SCHIP1: variants seen among roughly 807,000 people sequenced by gnomAD.
SCHIP1 encodes schwannomin interacting protein 1.
A neutral mutation model predicts 29.7 loss-of-function variants in SCHIP1; 8 were observed. That is an observed-to-expected ratio of 0.27 (90% CI 0.16 to 0.49). The LOEUF (loss-of-function observed/expected upper bound fraction) is 0.49. Ranked by LOEUF, SCHIP1 falls within the 20% of genes least tolerant of loss-of-function variation. The pLI is 0.99. For synonymous variants in SCHIP1, 76 were observed against 94.9 expected (o/e 0.80, Z 1.16); for missense variants, 193 against 294.6 (o/e 0.66, Z 2.52).
At chr3:159,596,298 A>C in the SCHIP1 span, among the ~76,000 whole-genome samples, 9,464 of 152,232 alleles carry the variant, frequency 0.062, 1,002 homozygotes, top group African/African-American at 0.22. Flanking sequence ...GTCAGAAAAC[A>C]ACAGGTGCTG....
At chr3:159,663,201 C>A in the SCHIP1 span, among the ~76,000 whole-genome samples, 27 of 152,260 alleles carry the variant, frequency 1.8e-4, no homozygotes, top group African/African-American at 5.8e-4. Context: ...GATGGTCTTT[C>A]CTGGTGTGAG....
chr3:159,408,790 A>G, the SCHIP1 span, among the ~76,000 whole-genome samples: 96,410 of 152,042 alleles, frequency 0.63, 31,282 homozygotes, highest in East Asian at 0.75. Flanking sequence ...AATTCAATAA[A>G]GTCAGTATTA....
At chr3:159,749,572 T>C in the SCHIP1 span, among the ~76,000 whole-genome samples, 1 of 152,164 alleles carries the variant, frequency 6.6e-6, no homozygotes, top group East Asian at 1.9e-4. Flanking sequence ...GGGCATTGTG[T>C]GCAACATTCC....
At chr3:159,696,017 C>A in the SCHIP1 span, among the ~76,000 whole-genome samples, 4 of 152,178 alleles carry the variant, frequency 2.6e-5, no homozygotes, top group Non-Finnish European at 1.5e-5. Flanking sequence ...TATCAACACC[C>A]ATCACCAAAC....
At chr3:159,308,147 C>T in the SCHIP1 span, among the ~76,000 whole-genome samples, 1 of 152,032 alleles carries the variant, frequency 6.6e-6, no homozygotes, top group African/African-American at 2.4e-5. Flanking sequence ...AGCATTGAAT[C>T]TGTAAATTGC....
the SCHIP1 span, among the ~76,000 whole-genome samples, chr3:159,293,255 C>G: frequency 6.6e-6 from 1 of 152,136 alleles, no homozygotes; most frequent in Non-Finnish European, 1.5e-5. Context: ...TTCACTATGT[C>G]CTCTAATAGT....
the SCHIP1 span, among the ~76,000 whole-genome samples, chr3:159,509,239 T>A: frequency 6.6e-5 from 10 of 152,336 alleles, no homozygotes; most frequent in African/African-American, 2.2e-4. Flanking sequence ...TCTTTGTCTC[T>A]TTTGATCTTT....
the SCHIP1 span, among the ~76,000 whole-genome samples, chr3:159,390,548 T>C: frequency 6.6e-6 from 1 of 152,260 alleles, no homozygotes; most frequent in Non-Finnish European, 1.5e-5. Flanking sequence ...TGAGGCATTC[T>C]AGTGAACTTA....
At chr3:159,584,385 G>T in the SCHIP1 span, among the ~76,000 whole-genome samples, 9 of 152,066 alleles carry the variant, frequency 5.9e-5, no homozygotes, top group African/African-American at 1.9e-4. Context: ...GCTATTTAAC[G>T]TTATCTTTCA....
chr3:159,756,393 G>C, the SCHIP1 span, among the ~76,000 whole-genome samples: 5 of 152,338 alleles, frequency 3.3e-5, no homozygotes, highest in East Asian at 9.6e-4. Context: ...GCCCTTTTCA[G>C]ACATGGCTGG....
At chr3:159,473,674 G>GAAAAAAGAAAAA in the SCHIP1 span, among the ~76,000 whole-genome samples, 1 of 81,446 alleles carries the variant, frequency 1.2e-5, no homozygotes, top group African/African-American at 4.7e-5. Context: ...ATGTAACTAC[G>GAAAAAAGAAAAA]AAAAAAAAAA....
the SCHIP1 span, among the ~76,000 whole-genome samples, chr3:159,384,092 C>G: frequency 0.63 from 93,218 of 148,756 alleles, 29,816 homozygotes; most frequent in East Asian, 0.74. Flanking sequence ...TAATTGAATA[C>G]CCTTTATTTC....
the SCHIP1 span, among the ~76,000 whole-genome samples, chr3:159,518,456 A>G: frequency 4.8e-4 from 73 of 152,270 alleles, no homozygotes; most frequent in African/African-American, 1.7e-3. Context: ...TCACTATTGA[A>G]TATGTTTTTT....
chr3:159,748,024 C>A, the SCHIP1 span, among the ~76,000 whole-genome samples: 1 of 152,136 alleles, frequency 6.6e-6, no homozygotes, highest in East Asian at 1.9e-4. Context: ...TTCAGCCATA[C>A]ATTTTATGTC....
At chr3:159,719,651 C>T in the SCHIP1 span, among the ~76,000 whole-genome samples, 40 of 152,282 alleles carry the variant, frequency 2.6e-4, no homozygotes, top group Middle Eastern at 6.8e-3. Flanking sequence ...TCATCACTGG[C>T]CATCAGAGAA....
At chr3:159,720,810 C>G in the SCHIP1 span, among the ~76,000 whole-genome samples, 1 of 152,144 alleles carries the variant, frequency 6.6e-6, no homozygotes, top group Non-Finnish European at 1.5e-5. Context: ...GTTGCAAACT[C>G]CTGACCTCAG....
At chr3:159,331,826 A>G in the SCHIP1 span, among the ~76,000 whole-genome samples, 3 of 152,170 alleles carry the variant, frequency 2.0e-5, no homozygotes, top group Non-Finnish European at 4.4e-5. Context: ...AAATCTGACC[A>G]TGTTCATTCT....
At chr3:159,668,197 G>A in the SCHIP1 span, among the ~76,000 whole-genome samples, 1 of 152,022 alleles carries the variant, frequency 6.6e-6, no homozygotes, top group African/African-American at 2.4e-5. Context: ...GTGAAACCCC[G>A]TCTCTACTAA....
the SCHIP1 span, among the ~76,000 whole-genome samples, chr3:159,704,060 A>T: frequency 1.3e-5 from 2 of 152,210 alleles, no homozygotes; most frequent in East Asian, 3.8e-4. Flanking sequence ...TACAGGTGCC[A>T]TGTCTTTCCT....
Sources: allele counts gnomAD v4.1 joint callset (sites outside exome capture counted in the v4.1 genomes callset), GRCh38; gene constraint gnomAD v4.1.1; transcripts MANE v1.5; gene names NCBI Gene and HGNC (gene_info 2026-07-23, HGNC 2026-07-21).